The following DPP4 variants were observed in gnomAD, a reference collection of about 807,000 sequenced individuals.
DPP4 encodes dipeptidyl peptidase 4.
Under a neutral mutation model 122.4 loss-of-function variants are expected in DPP4, and 93 were observed. The observed-to-expected ratio is 0.76, with a 90% confidence interval of 0.64 to 0.90. The LOEUF is 0.90. Ranked by LOEUF, DPP4 falls within the 40% of genes least tolerant of loss-of-function variation. DPP4 has a pLI of 0.00. For missense variants in DPP4, 914 were observed against 907.3 expected (o/e 1.01, Z -0.09); for synonymous variants, 321 against 302.9 (o/e 1.06, Z -0.62).
chr2:162,000,712 T>C (rs992591611), intron 23 of DPP4, among the ~76,000 whole-genome samples: 3 of 152,226 alleles, frequency 2.0e-5, no homozygotes, highest in Non-Finnish European at 4.4e-5. Context: ...CTATCAAATT[T>C]TGAGCAAAAT....
At chr2:161,996,591 A>G (rs529955256) in intron 23 of DPP4, among the ~76,000 whole-genome samples, 1 of 152,168 alleles carries the variant, frequency 6.6e-6, no homozygotes, top group Non-Finnish European at 1.5e-5. Context: ...TTTGATTTCT[A>G]TAAGATTGGA....
intron 11 of DPP4, 85 bp from the exon 12 acceptor site, chr2:162,022,884 G>T (rs1212097124): frequency 1.5e-6 from 2 of 1,342,820 alleles, no homozygotes; most frequent in Non-Finnish European, 2.1e-6. Flanking sequence ...TATAAATAGA[G>T]CTGTACTTAT....
chr2:162,053,502 G>A (rs77676821), intron 2 of DPP4, among the ~76,000 whole-genome samples: 2,284 of 152,238 alleles, frequency 0.015, 60 homozygotes, highest in African/African-American at 0.053. Flanking sequence ...ATTCAAAGCC[G>A]TCCAGCCACA....
At chr2:162,042,329 G>A (rs568694605) in intron 5 of DPP4, among the ~76,000 whole-genome samples, 2 of 152,290 alleles carry the variant, frequency 1.3e-5, no homozygotes, top group African/African-American at 4.8e-5. Context: ...TATTTCCAGA[G>A]CACTAGGCAA....
intron 1 of DPP4, 30 bp downstream of exon 1, chr2:162,073,945 GC>G (rs769297056): frequency 7.4e-6 from 12 of 1,610,892 alleles, no homozygotes; most frequent in Non-Finnish European, 1.0e-5. Flanking sequence ...CCCACAGCTC[GC>G]CCCGGGGACG....
At chr2:162,055,642 A>C (rs1259496886) in intron 2 of DPP4, among the ~76,000 whole-genome samples, 4 of 151,858 alleles carry the variant, frequency 2.6e-5, no homozygotes, top group Non-Finnish European at 5.9e-5. Flanking sequence ...ACTGCACTCC[A>C]GCCTGGGCAA....
At chr2:162,003,337 C>T (rs192014007) in intron 23 of DPP4, among the ~76,000 whole-genome samples, 5 of 151,978 alleles carry the variant, frequency 3.3e-5, no homozygotes, top group South Asian at 4.2e-4. Context: ...GAACGAGGAG[C>T]CTATAGGAAA....
intron 4 of DPP4, among the ~76,000 whole-genome samples, chr2:162,045,878 C>T (rs1684155914): frequency 6.6e-6 from 1 of 152,168 alleles, no homozygotes; most frequent in Non-Finnish European, 1.5e-5. Flanking sequence ...ACTTTCTCAA[C>T]AGTGGGAATA....
chr2:162,069,876 G>T (rs945400367), intron 2 of DPP4, among the ~76,000 whole-genome samples: 1 of 152,126 alleles, frequency 6.6e-6, no homozygotes, highest in African/African-American at 2.4e-5. Flanking sequence ...CCGAAAGAAG[G>T]TATAGAAGAA....
At chr2:162,005,591 C>A (rs1002353923) in intron 23 of DPP4, 154 bp downstream of exon 23, 2 of 611,258 alleles carry the variant, frequency 3.3e-6, no homozygotes, top group Non-Finnish European at 5.6e-6. Context: ...GTAAGGGAAG[C>A]TATTGGAGTA....
In DPP4 at chr2:162,064,986, C is replaced by T. The variant is rs900922125; in HGVS notation, c.94+8413G>A. On this transcript the variant is annotated intron_variant, in intron 2 of 25. Transcript: ENST00000360534. Reference sequence around the variant, plus strand: ...GAAAAGAGAGCAATAACCAAATACACGATATGCCTACATAGGCCGTCTCCC... The same window carrying T: ...GAAAAGAGAGCAATAACCAAATACATGATATGCCTACATAGGCCGTCTCCC... 5.3e-5 allele frequency among the ~76,000 whole-genome samples: 8 copies of T among 152,282 alleles called. No individual in the cohort carries two copies. In the South Asian group the frequency reaches 1.2e-3, roughly 24 times the overall value.
rs1238419526 is a variant in DPP4 at position 162,074,108 on chromosome 2, G to C, written c.-127C>G. ...GAGTCACTCGCCGCTGGCAAGTTTC[G>C]GCCCCGAGTTAAACATTAGTGAGCG... On this transcript the variant is annotated 5_prime_UTR_variant, in exon 1 of 26. Transcript: ENST00000360534. The C allele has an allele frequency of 1.4e-6, 2 of 1,467,178 alleles. No individual in the cohort carries two copies. The highest frequency in any genetic ancestry group is 9.0e-7 in the Non-Finnish European group (1 of 1,108,298). The allele number at this position is 1,467,178 out of a possible 1,614,324, so 90.9% of individuals were successfully genotyped here.
rs1267632895 is a variant in DPP4 at position 161,995,308 on chromosome 2, G to C, written c.2117C>G (p.Thr706Arg). The C allele has an allele frequency of 3.7e-6, 6 of 1,613,826 alleles. No individual in the cohort carries two copies. Among genetic ancestry groups the C allele is most frequent in the Non-Finnish European group, 5.1e-6 (6 of 1,179,760 alleles). The change falls in exon 24 of 26, where the codon ACA becomes AGA. Residue 706 changes from threonine (T) to arginine (R), a missense_variant. Transcript: ENST00000360534. ...KQVEYLLIHGTADDNVHFQQS... is the reference protein window; with the variant it reads ...KQVEYLLIHGRADDNVHFQQS... ...AATTAACTGAAACTCACCATCTGCTGTTCCATGAATAAGGAGGTACTCAAC... is the reference window on the plus strand; with the variant it reads ...AATTAACTGAAACTCACCATCTGCTCTTCCATGAATAAGGAGGTACTCAAC...
At chr2:162,013,161 TA>T (rs1682767787) in intron 19 of DPP4, among the ~76,000 whole-genome samples, 1 of 147,614 alleles carries the variant, frequency 6.8e-6, no homozygotes, top group African/African-American at 2.5e-5. Flanking sequence ...AAAAAGACCC[TA>T]AAAGAGAGGA....
intron 10 of DPP4, among the ~76,000 whole-genome samples, chr2:162,026,697 CAG>C (rs981477227): frequency 1.3e-5 from 2 of 152,224 alleles, no homozygotes; most frequent in African/African-American, 2.4e-5. Context: ...TGCCGGGAAA[CAG>C]AGACATCTCA....
intron 21 of DPP4, among the ~76,000 whole-genome samples, chr2:162,009,028 T>C (rs1701352452): frequency 6.6e-6 from 1 of 152,114 alleles, no homozygotes; most frequent in Non-Finnish European, 1.5e-5. Context: ...CACTCCTTCC[T>C]TCTTGCTCTT....
intron 22 of DPP4, among the ~76,000 whole-genome samples, chr2:162,006,436 T>G (rs1701284613): frequency 6.6e-6 from 1 of 152,186 alleles, no homozygotes; most frequent in Non-Finnish European, 1.5e-5. Flanking sequence ...ATCATTTATT[T>G]GCTGTATATC....
intron 8 of DPP4, among the ~76,000 whole-genome samples, chr2:162,036,747 T>G (rs544971514): frequency 6.6e-6 from 1 of 152,320 alleles, no homozygotes; most frequent in East Asian, 1.9e-4. Context: ...ATATTTAGTC[T>G]CTGGGTGGTG....
In DPP4 at chr2:162,031,393, T is replaced by G. The variant is rs143743656; in HGVS notation, c.887+2148A>C. ...CATACACTTCTATATTATATCTCAC[T>G]TGAACAAAGGTTTCCAGGTCCTTAA... On this transcript the variant is annotated intron_variant, in intron 10 of 25. Transcript: ENST00000360534. 2.9e-3 allele frequency among the ~76,000 whole-genome samples: 443 copies of G among 152,320 alleles called. 2 individuals are homozygous for G. Among genetic ancestry groups the G allele is most frequent in the Non-Finnish European group, 4.6e-3 (314 of 68,026 alleles).
Sources: gnomAD v4.1 joint callset for allele counts (sites outside exome capture counted in the v4.1 genomes callset) on GRCh38, gnomAD v4.1.1 for gene constraint, MANE v1.5 for transcripts, NCBI Gene and HGNC (gene_info 2026-07-23, HGNC 2026-07-21) for gene names.